The following DMD variants were observed in gnomAD, a reference collection of about 807,000 sequenced individuals.
DMD encodes the protein dystrophin, also known as mutant dystrophin.
DMD carries 63 observed loss-of-function variants against 330.1 expected under a neutral mutation model. The observed-to-expected ratio is 0.19, with a 90% CI of 0.16 to 0.24. The LOEUF (loss-of-function observed/expected upper bound fraction) is 0.24. DMD is among the 10% of genes least tolerant of loss of function. The probability of loss-of-function intolerance (pLI) is 1.00; values close to 1 mark genes in which losing one functional copy is unlikely to be tolerated. For missense variants in DMD, 3,344 were observed against 2,684.1 expected (o/e 1.25, Z -5.43); for synonymous variants, 1,223 against 959.8 (o/e 1.27, Z -5.07).
intron 61 of DMD, among the ~76,000 whole-genome samples, chrX:31,340,964 T>C (rs2057698307): frequency 8.9e-6 from 1 of 112,220 alleles, no homozygotes. Context: ...AAACAACTAT[T>C]GAGCCGTTCT....
intron 4 of DMD, among the ~76,000 whole-genome samples, chrX:32,835,029 T>C (rs1402451884): frequency 1.8e-5 from 2 of 111,211 alleles, no homozygotes; most frequent in Non-Finnish European, 3.8e-5. Flanking sequence ...ATTTCTAAGT[T>C]CCTTTACCAG....
intron 2 of DMD, among the ~76,000 whole-genome samples, chrX:32,899,683 A>AG (rs1441021056): frequency 4.5e-5 from 5 of 110,182 alleles, no homozygotes; most frequent in African/African-American, 1.6e-4. Flanking sequence ...CAAAAAAAAA[A>AG]AAAAAAGAAA....
chrX:31,146,531 C>T lies in DMD; in HGVS notation c.10798-117G>A. On this transcript the variant is annotated intron_variant, in intron 75 of 78. Coordinates refer to ENST00000357033, the MANE Select transcript of DMD (RefSeq NM_004006.3). ...ATTTTGACCCTTCCTACTTTAGAAG[C>T]CCTCCCAAAGATTGTTTAATTTGGG... 4 of 734,956 alleles carry T rather than the reference C, an allele frequency of 5.4e-6. No homozygotes were observed. The South Asian group carries it at 7.1e-5, about 13-fold the overall frequency. 60.6% of individuals were successfully genotyped at this position (734,956 alleles called of 1,213,427 possible).
intron 41 of DMD, among the ~76,000 whole-genome samples, chrX:32,339,109 T>A (rs1251003332): frequency 8.9e-6 from 1 of 111,880 alleles, no homozygotes; most frequent in African/African-American, 3.2e-5. Flanking sequence ...AGCAGGTGTT[T>A]GACAAATATT....
chrX:31,828,391 C>T (rs1454975513), intron 49 of DMD, among the ~76,000 whole-genome samples: 3 of 111,104 alleles, frequency 2.7e-5, no homozygotes, highest in South Asian at 3.8e-4. Flanking sequence ...TTTGGCTGGG[C>T]GCGGTGGCTC....
chrX:31,684,318 T>C (rs2082555551), intron 52 of DMD, among the ~76,000 whole-genome samples: 1 of 111,989 alleles, frequency 8.9e-6, no homozygotes, highest in African/African-American at 3.2e-5. Context: ...AATATAGGTA[T>C]TGATTGGGGA....
chrX:32,319,433 A>G (rs1325577), intron 41 of DMD, among the ~76,000 whole-genome samples: 57,952 of 110,647 alleles, frequency 0.52, 12,125 homozygotes, highest in South Asian at 0.79. Flanking sequence ...AATTAATGAA[A>G]AAACAAGTAT....
At chrX:31,125,191 T>C (rs1440294776) in intron 78 of DMD, among the ~76,000 whole-genome samples, 1 of 111,769 alleles carries the variant, frequency 8.9e-6, no homozygotes, top group Non-Finnish European at 1.9e-5. Context: ...AATGAATAAA[T>C]TTTAAGGGGC....
At chrX:33,058,010 C>G (rs1349116331) in intron 1 of DMD, among the ~76,000 whole-genome samples, 1 of 110,891 alleles carries the variant, frequency 9.0e-6, no homozygotes, top group Non-Finnish European at 1.9e-5. Flanking sequence ...TCCTGAGTAG[C>G]TGGGATTACA....
chrX:32,356,213 T>A (rs1382315595), intron 37 of DMD, among the ~76,000 whole-genome samples: 13 of 109,363 alleles, frequency 1.2e-4, no homozygotes, highest in Non-Finnish European at 1.7e-4. Context: ...TTTCCACACA[T>A]AGAACCATAT....
At chrX:31,573,670 A>C (rs1455712769) in intron 55 of DMD, among the ~76,000 whole-genome samples, 3 of 111,927 alleles carry the variant, frequency 2.7e-5, no homozygotes, top group Non-Finnish European at 5.6e-5. Flanking sequence ...TATTTTTGAA[A>C]TTTTAGTAAG....
intron 34 of DMD, among the ~76,000 whole-genome samples, chrX:32,370,089 A>G (rs2097868562): frequency 9.0e-6 from 1 of 111,401 alleles, no homozygotes; most frequent in African/African-American, 3.3e-5. Flanking sequence ...TTAGCTACGT[A>G]ACATATTCGT....
At chrX:32,121,661 A>G (rs5927061) in intron 44 of DMD, among the ~76,000 whole-genome samples, 165 of 81,273 alleles carry the variant, frequency 2.0e-3, no homozygotes, top group Middle Eastern at 6.3e-3. Flanking sequence ...ATATATATAT[A>G]TATGTATTCG....
At chrX:32,472,404 G>T in intron 21 of DMD, 95 bp from the exon 22 acceptor site, 1 of 836,702 alleles carries the variant, frequency 1.2e-6, no homozygotes, top group Non-Finnish European at 1.7e-6. Context: ...TATATTACTA[G>T]TTTCAAATAT....
intron 55 of DMD, among the ~76,000 whole-genome samples, chrX:31,550,357 T>G (rs2074403355): frequency 8.9e-6 from 1 of 111,944 alleles, no homozygotes; most frequent in African/African-American, 3.3e-5. Flanking sequence ...ACAAGCAAGT[T>G]CATTTGTTTG....
intron 1 of DMD, among the ~76,000 whole-genome samples, chrX:33,255,466 T>C (rs1413496975): frequency 9.0e-6 from 1 of 111,331 alleles, no homozygotes; most frequent in African/African-American, 3.2e-5. Context: ...TAGTCAAACT[T>C]GACCATATAA....
In DMD at chrX:32,447,273, T is replaced by G. The variant is rs186715373; in HGVS notation, c.3786+1183A>C. 2.7e-4 allele frequency among the ~76,000 whole-genome samples: 30 copies of G among 110,681 alleles called. No homozygotes were observed. In the East Asian group the frequency reaches 8.5e-3, roughly 31 times the overall value. On this transcript the variant is annotated intron_variant, in intron 27 of 78. Transcript: ENST00000357033. ...TCCCTTCCCATTCTTTGTTATATTT[T>G]ATATAGCACTCACATAACACTGATA...
chrX:31,584,763 G>A (rs1210425784), intron 55 of DMD, among the ~76,000 whole-genome samples: 1 of 110,893 alleles, frequency 9.0e-6, no homozygotes, highest in Non-Finnish European at 1.9e-5. Context: ...GAGCAGCACC[G>A]GTAAGCTTGG....
rs370001836 is a variant in DMD at position 33,296,185 on chromosome X, A to G, written c.7+43074T>C. Among the ~76,000 whole-genome samples, 194 of 111,178 alleles carry G rather than the reference A, an allele frequency of 1.7e-3. 1 individual carries two copies. The highest frequency in any genetic ancestry group is 6.1e-3 in the African/African-American group (188 of 30,765). On this transcript the variant is annotated intron_variant, in intron 1 of 17. Transcript: ENST00000288447. The stretch of plus-strand genomic sequence containing the variant: ...TCCTAGTAATGCTTTCTCTTGTGAA[A>G]GGTATTCCATATAATTATTAAAGCA...
Sources: gnomAD v4.1 joint callset for allele counts (sites outside exome capture counted in the v4.1 genomes callset) on GRCh38, gnomAD v4.1.1 for gene constraint, MANE v1.5 for transcripts, NCBI Gene and HGNC (gene_info 2026-07-23, HGNC 2026-07-21) for gene names.